Variants in RYR2 observed in about 807,000 individuals in gnomAD.
The protein encoded by RYR2 is cardiac muscle ryanodine receptor-calcium release channel.
Under a neutral mutation model 601.1 loss-of-function variants are expected in RYR2, and 227 were observed. The ratio of observed to expected loss-of-function variants is 0.38; its 90% CI spans 0.34 to 0.42. The LOEUF (loss-of-function observed/expected upper bound fraction) is 0.42, where lower values mean the gene tolerates loss of function less well. RYR2 is among the 10% of genes least tolerant of loss of function. The probability of loss-of-function intolerance (pLI) is 1.00; values close to 1 mark genes in which losing one functional copy is unlikely to be tolerated. For missense variants in RYR2, 4,646 were observed against 6,156.5 expected, an observed-to-expected ratio of 0.75 and a Z score of 8.21; for synonymous variants, 2,223 against 2,175.1, an observed-to-expected ratio of 1.02 and a Z score of -0.61.
At chr1:237,493,662 C>G (rs1377130456) in intron 19 of RYR2, among the ~76,000 whole-genome samples, 1 of 152,114 alleles carries the variant, frequency 6.6e-6, no homozygotes, top group African/African-American at 2.4e-5. Context: ...CCGTGTTAGC[C>G]AGGATGGTCT....
chr1:237,093,244 G>C (rs1425591324), intron 1 of RYR2, among the ~76,000 whole-genome samples: 3 of 152,206 alleles, frequency 2.0e-5, no homozygotes, highest in Non-Finnish European at 4.4e-5. Context: ...CCGAGAACCT[G>C]ATGGGAGGCT....
At chr1:237,245,744 A>T (rs1050568067) in intron 1 of RYR2, among the ~76,000 whole-genome samples, 8 of 152,154 alleles carry the variant, frequency 5.3e-5, no homozygotes, top group East Asian at 1.9e-4. Context: ...AGCAACTTTA[A>T]TCTGAAGTCA....
intron 27 of RYR2, among the ~76,000 whole-genome samples, chr1:237,557,883 AC>A (rs1479462437): frequency 6.6e-6 from 1 of 152,216 alleles, no homozygotes; most frequent in Non-Finnish European, 1.5e-5. Flanking sequence ...TTTATTGTAA[AC>A]ATCTTCAGTT....
chr1:237,623,825 C>A lies in RYR2; in HGVS notation c.5977C>A (p.Arg1993Ser), dbSNP rs767406030. The change falls in exon 39 of 105, where the codon CGT (arginine) becomes AGT (serine). Residue 1993 changes from arginine to serine, a missense_variant. By Grantham distance (110) the Arg-to-Ser change is moderately radical (BLOSUM62 -1). Coordinates refer to ENST00000366574, the MANE Select transcript of RYR2 (RefSeq NM_001035.3). The stretch of plus-strand genomic sequence containing the variant: ...TGAATGTCCATGTCCAGAAGAAATT[C>A]GTGACCAACTATTGGATTTCCATGA... ...KSECPCPEEI[R>S]DQLLDFHEDL... 1.2e-6 allele frequency: 2 copies of A among 1,613,224 alleles called. No homozygotes were observed. Among genetic ancestry groups the A allele is most frequent in the Non-Finnish European group, 1.7e-6 (2 of 1,179,298 alleles).
intron 1 of RYR2, among the ~76,000 whole-genome samples, chr1:237,208,959 T>TA (rs1682167095): frequency 9.9e-6 from 1 of 101,276 alleles, no homozygotes; most frequent in Non-Finnish European, 2.1e-5. Context: ...TATATATATA[T>TA]ATATATATAT....
chr1:237,510,581 G>A (rs1257773313), intron 23 of RYR2, among the ~76,000 whole-genome samples: 2 of 152,024 alleles, frequency 1.3e-5, no homozygotes, highest in Admixed American at 6.6e-5. Flanking sequence ...AGAAAGAAAG[G>A]AATAAATACA....
intron 103 of RYR2, 113 bp downstream of exon 103, chr1:237,830,743 G>A: frequency 1.6e-6 from 1 of 608,088 alleles, no homozygotes; most frequent in Admixed American, 2.8e-5. Flanking sequence ...AATTGCTGCA[G>A]ATACTTTAAA....
chr1:237,570,044 C>T (rs2148282716), intron 29 of RYR2, among the ~76,000 whole-genome samples: 1 of 152,034 alleles, frequency 6.6e-6, no homozygotes, highest in East Asian at 2.0e-4. Context: ...AGTGAAACCC[C>T]ATGTCTACTA....
chr1:237,732,309 C>G (rs577570248), intron 78 of RYR2, among the ~76,000 whole-genome samples, 160 bp downstream of exon 78: 1 of 151,998 alleles, frequency 6.6e-6, no homozygotes, highest in Admixed American at 6.6e-5. Context: ...ACCTAGGGAC[C>G]GACACTCATT....
At chr1:237,680,737 C>T (rs771680365) in intron 62 of RYR2, among the ~76,000 whole-genome samples, 160 bp downstream of exon 62, 1 of 152,180 alleles carries the variant, frequency 6.6e-6, no homozygotes, top group African/African-American at 2.4e-5. Context: ...ACAGTTTCTA[C>T]AAGTTTGGAT....
At chr1:237,248,018 A>G (rs190759378) in intron 1 of RYR2, among the ~76,000 whole-genome samples, 207 of 152,248 alleles carry the variant, frequency 1.4e-3, no homozygotes, top group African/African-American at 4.9e-3. Flanking sequence ...TTATGCCTAT[A>G]ATCCCAGCAC....
chr1:237,362,673 G>A (rs555490551), intron 4 of RYR2, among the ~76,000 whole-genome samples: 4 of 151,974 alleles, frequency 2.6e-5, no homozygotes, highest in Non-Finnish European at 5.9e-5. Context: ...TATAATTTTG[G>A]TAATATCTAG....
At chr1:237,171,302 A>T (rs182251572) in intron 1 of RYR2, among the ~76,000 whole-genome samples, 17 of 152,192 alleles carry the variant, frequency 1.1e-4, no homozygotes, top group Non-Finnish European at 2.1e-4. Context: ...AAATGTCAGT[A>T]ACAGTATACC....
intron 16 of RYR2, among the ~76,000 whole-genome samples, chr1:237,460,270 C>T (rs577677654): frequency 5.3e-5 from 8 of 152,282 alleles, no homozygotes; most frequent in East Asian, 3.9e-4. Context: ...CCAAATACAA[C>T]GCTTCTCGCA....
intron 14 of RYR2, among the ~76,000 whole-genome samples, chr1:237,450,727 C>T (rs1226115030): frequency 1.3e-5 from 2 of 152,106 alleles, no homozygotes; most frequent in Admixed American, 6.6e-5. Flanking sequence ...CTATCCTCCT[C>T]ATTACAAACC....
chr1:237,592,033 T>A (rs1473314584), intron 32 of RYR2, among the ~76,000 whole-genome samples, 180 bp downstream of exon 32: 1 of 152,226 alleles, frequency 6.6e-6, no homozygotes, highest in African/African-American at 2.4e-5. Flanking sequence ...TGATGGATAT[T>A]ATGCAATACA....
At chr1:237,600,760 A>G (rs1033741742) in intron 34 of RYR2, among the ~76,000 whole-genome samples, 15 of 152,178 alleles carry the variant, frequency 9.9e-5, no homozygotes, top group African/African-American at 3.6e-4. Flanking sequence ...AGTAAAAACA[A>G]TCTGATTTAA....
intron 1 of RYR2, among the ~76,000 whole-genome samples, chr1:237,178,199 A>G (rs1254813600): frequency 6.6e-6 from 1 of 151,948 alleles, no homozygotes; most frequent in Non-Finnish European, 1.5e-5. Context: ...TCATTTGTCT[A>G]TTTGGTTGTC....
At chr1:237,695,056 A>C (rs1179608522) in intron 63 of RYR2, among the ~76,000 whole-genome samples, 1 of 152,226 alleles carries the variant, frequency 6.6e-6, no homozygotes, top group African/African-American at 2.4e-5. Flanking sequence ...AATTCTCAGC[A>C]TATCAGATTA....
Sources: allele counts gnomAD v4.1 joint callset (sites outside exome capture counted in the v4.1 genomes callset), GRCh38; gene constraint gnomAD v4.1.1; transcripts MANE v1.5; gene names NCBI Gene and HGNC (gene_info 2026-07-23, HGNC 2026-07-21).